Variants in MYH14 observed in about 807,000 individuals in gnomAD.
MYH14 encodes the protein myosin heavy chain 14.
Under a neutral mutation model 255.5 loss-of-function variants are expected in MYH14, and 123 were observed. The ratio of observed to expected loss-of-function variants is 0.48; its 90% CI spans 0.42 to 0.56. MYH14 has a LOEUF of 0.56. Among genes scored for constraint, MYH14 ranks in the 20% least tolerant of loss-of-function variants. The pLI is 0.00. For missense variants in MYH14, 2,423 were observed against 2,802.3 expected (o/e 0.86, Z 3.06); for synonymous variants, 1,095 against 1,161.2 (o/e 0.94, Z 1.16).
At chr19:50,207,343 G>T (rs530217711) in intron 1 of MYH14, among the ~76,000 whole-genome samples, 1 of 145,870 alleles carries the variant, frequency 6.9e-6, no homozygotes, top group South Asian at 2.2e-4. Flanking sequence ...AGCAGGAGGG[G>T]GCCACGCAGC....
chr19:50,259,258 C>A lies in MYH14; in HGVS notation c.2347C>A (p.Arg783=). The A allele has an allele frequency of 6.3e-7, 1 of 1,578,936 alleles. No individual in the cohort carries two copies. The highest frequency in any genetic ancestry group is 8.6e-7 in the Non-Finnish European group (1 of 1,161,784). The part of the protein sequence containing the change: ...FPNRILFQEF[R]QRYEILTPNA... ...CAACCGCATCCTCTTCCAGGAGTTC[C>A]GGCAGCGGTGAGCTAGAGCGAGGGC... is the stretch of plus-strand genomic sequence containing the variant. The change falls in exon 19 of 43, where the codon CGG becomes AGG. Residue 783 remains arginine (R), a synonymous_variant. Coordinates refer to ENST00000642316, the MANE Select transcript of MYH14 (RefSeq NM_001145809.2).
rs372804360 is a variant in MYH14 at position 50,226,975 on chromosome 19, T to C, written c.874+9T>C. 5.6e-6 allele frequency: 9 copies of C among 1,613,476 alleles called. No homozygotes were observed. Among genetic ancestry groups the C allele is most frequent in the Non-Finnish European group, 5.9e-6 (7 of 1,179,638 alleles). On this transcript the variant is annotated intron_variant, in intron 8 of 42. Transcript: ENST00000642316. Reference sequence around the variant, plus strand: ...CGCCAACATTGAGACCTGTATCCTCTCACAGCCCATGGGGGTGGCAGCCAA... The same window carrying C: ...CGCCAACATTGAGACCTGTATCCTCCCACAGCCCATGGGGGTGGCAGCCAA...
intron 34 of MYH14, among the ~76,000 whole-genome samples, chr19:50,287,217 A>G (rs984578169): frequency 6.6e-6 from 1 of 152,208 alleles, no homozygotes; most frequent in African/African-American, 2.4e-5. Flanking sequence ...GTGCTAATGC[A>G]CACGCATAGA....
intron 34 of MYH14, among the ~76,000 whole-genome samples, chr19:50,287,496 T>G (rs1447628736): frequency 6.6e-6 from 1 of 152,220 alleles, no homozygotes; most frequent in African/African-American, 2.4e-5. Context: ...CATTGCAACC[T>G]CAGTCTCCTA....
intron 30 of MYH14, among the ~76,000 whole-genome samples, chr19:50,279,320 C>T (rs774215944): frequency 5.3e-5 from 8 of 152,122 alleles, no homozygotes; most frequent in Non-Finnish European, 1.2e-4. Flanking sequence ...TAGCATAATT[C>T]CTTTTTTATT....
At chr19:50,218,394 A>C (rs1177691992) in intron 3 of MYH14, among the ~76,000 whole-genome samples, 1 of 151,956 alleles carries the variant, frequency 6.6e-6, no homozygotes, top group East Asian at 2.0e-4. Context: ...CAGGAGATCG[A>C]GACCATTCTG....
intron 21 of MYH14, 51 bp downstream of exon 21, chr19:50,261,686 G>A: frequency 6.6e-7 from 1 of 1,518,482 alleles, no homozygotes; most frequent in Non-Finnish European, 8.8e-7. Flanking sequence ...ACTGGGTCAG[G>A]GAGGGGTTGA....
chr19:50,251,204 A>G (rs1321755112), intron 15 of MYH14, among the ~76,000 whole-genome samples: 1 of 152,142 alleles, frequency 6.6e-6, no homozygotes, highest in Admixed American at 6.6e-5. Context: ...AATCTCAGTC[A>G]AGGGCCGGCA....
intron 22 of MYH14, among the ~76,000 whole-genome samples, chr19:50,264,785 C>T (rs1651546): frequency 0.017 from 2,577 of 152,268 alleles, 63 homozygotes; most frequent in African/African-American, 0.057. Context: ...GTGACCATCC[C>T]AGAGCCAGTT....
At chr19:50,295,979 C>T (rs2036251980) in intron 39 of MYH14, among the ~76,000 whole-genome samples, 2 of 151,742 alleles carry the variant, frequency 1.3e-5, no homozygotes, top group Admixed American at 6.6e-5. Context: ...GGCGTGATGG[C>T]GGGCACCTGT....
intron 1 of MYH14, among the ~76,000 whole-genome samples, chr19:50,206,669 C>T (rs949783703): frequency 2.0e-5 from 3 of 152,022 alleles, no homozygotes; most frequent in African/African-American, 7.2e-5. Flanking sequence ...GTCCTCTCAG[C>T]GGAGCTGGGA....
intron 16 of MYH14, among the ~76,000 whole-genome samples, chr19:50,254,292 C>A (rs923267696): frequency 2.0e-4 from 30 of 151,736 alleles, no homozygotes; most frequent in African/African-American, 6.5e-4. Flanking sequence ...ACTCACAGAG[C>A]AAAACAGCAT....
chr19:50,217,561 C>G (rs1600867492), intron 2 of MYH14, 54 bp from the exon 3 acceptor site: 2 of 1,611,700 alleles, frequency 1.2e-6, no homozygotes, highest in South Asian at 1.1e-5. Flanking sequence ...CCCCATGACG[C>G]CTTTCAGGCC....
intron 22 of MYH14, among the ~76,000 whole-genome samples, chr19:50,264,754 C>T (rs576803441): frequency 4.5e-4 from 69 of 152,296 alleles, no homozygotes; most frequent in African/African-American, 1.6e-3. Flanking sequence ...GTTTCATGCT[C>T]ATTGGCCCAG....
chr19:50,286,764 C>T, intron 34 of MYH14, 70 bp downstream of exon 34: 1 of 1,373,558 alleles, frequency 7.3e-7, no homozygotes, highest in Non-Finnish European at 1.0e-6. Context: ...TATGCTTTCA[C>T]ACATAGAACA....
rs73061141 is a variant in MYH14, at chr19:50,250,474, G to C, written c.1657-41G>C. 6 of 1,587,900 alleles carry C rather than the reference G, an allele frequency of 3.8e-6. No individual in the cohort carries two copies. In the Admixed American group the frequency reaches 1.1e-4, roughly 28 times the overall value. Reference sequence around the variant, plus strand: ...CAGCAGCCACCTGAGTGTCCAATATGTGGGGATCTGACTTACTCTCCCCCT... The same window carrying C: ...CAGCAGCCACCTGAGTGTCCAATATCTGGGGATCTGACTTACTCTCCCCCT... On this transcript the variant is annotated intron_variant, in intron 14 of 42. Transcript: ENST00000642316. The surrounding 1 kb of genome is among the most constrained non-coding windows in gnomAD (Gnocchi z 5.4).
intron 15 of MYH14, among the ~76,000 whole-genome samples, chr19:50,251,565 C>CAT (rs1568500688): frequency 1.8e-5 from 2 of 111,730 alleles, no homozygotes; most frequent in African/African-American, 6.9e-5. Flanking sequence ...CACACACACA[C>CAT]ACACATATAT....
At chr19:50,213,606 A>G (rs915119033) in intron 2 of MYH14, among the ~76,000 whole-genome samples, 3 of 152,204 alleles carry the variant, frequency 2.0e-5, no homozygotes, top group African/African-American at 7.2e-5. Flanking sequence ...AATAAAGATC[A>G]TTAGCACTTA....
chr19:50,249,491 G>A lies in MYH14; in HGVS notation c.1483-159G>A, dbSNP rs552005938. 10 of 772,962 alleles carry A rather than the reference G, an allele frequency of 1.3e-5. No individual in the cohort carries two copies. The East Asian group carries it at 2.8e-4, about 22-fold the overall frequency. The allele number at this position is 772,962 out of a possible 1,614,324, so 47.9% of individuals were successfully genotyped here. ...GTCTCTGGCTCTGTCCCCTGTCTCT[G>A]GGTCTCTGTCCCCCTCTCTCTGGGT... is the stretch of plus-strand genomic sequence containing the variant. On this transcript the variant is annotated intron_variant, in intron 13 of 42. Transcript: ENST00000642316.
Sources: allele counts gnomAD v4.1 joint callset (sites outside exome capture counted in the v4.1 genomes callset), GRCh38; gene constraint gnomAD v4.1.1; non-coding constraint Gnocchi (gnomAD v3.1); transcripts MANE v1.5; gene names NCBI Gene and HGNC (gene_info 2026-07-23, HGNC 2026-07-21).